Variants in ADAMTS3 observed in about 807,000 individuals in gnomAD.
ADAMTS3 encodes the protein ADAM metallopeptidase with thrombospondin type 1 motif 3.
Under a neutral mutation model 129.0 loss-of-function variants are expected in ADAMTS3, and 73 were observed. That is an observed-to-expected ratio of 0.57 (90% CI 0.47 to 0.69). The LOEUF is 0.69. Ranked by LOEUF, ADAMTS3 falls within the 30% of genes least tolerant of loss-of-function variation. ADAMTS3 has a pLI of 0.00. For synonymous variants in ADAMTS3, 477 were observed against 510.8 expected (o/e 0.93, Z 0.89); for missense variants, 1,457 against 1,514.5 (o/e 0.96, Z 0.63).
In ADAMTS3 at chr4:72,290,948, G is replaced by T; in HGVS notation, c.2838C>A (p.His946Gln). 1 of 1,614,076 alleles carries T rather than the reference G, an allele frequency of 6.2e-7. No homozygotes were observed. The highest frequency in any genetic ancestry group is 8.5e-7 in the Non-Finnish European group (1 of 1,179,968). The change falls in exon 20 of 22, where the codon CAC (histidine) becomes CAA (glutamine). Residue 946 changes from histidine (H) to glutamine (Q), a missense_variant. Coordinates refer to ENST00000286657, the MANE Select transcript of ADAMTS3 (RefSeq NM_014243.3). The part of the protein sequence containing the change: ...PLLDGTNRSV[H>Q]SKYCMGDRPE... Reference sequence around the variant, plus strand: ...GACGGTCACCCATGCAGTATTTGCTGTGCACAGAGCGGTTGGTGCCATCAA... The same window carrying T: ...GACGGTCACCCATGCAGTATTTGCTTTGCACAGAGCGGTTGGTGCCATCAA...
chr4:72,295,714 G>T lies in ADAMTS3; in HGVS notation c.2663C>A (p.Ala888Asp). Residue 888 changes from alanine (A) to aspartate (D), a missense_variant, in exon 19 of 22, where the codon GCC (alanine) becomes GAC (aspartate). Coordinates refer to ENST00000286657, the MANE Select transcript of ADAMTS3 (RefSeq NM_014243.3). ...TCTAATAGGTTTCGGCTTTTTGTTG[G>T]CCTCACAGAAGCTGCGATGGACCAT... ...NKMVHRSFCE[A>D]NKKPKPIRRM... 6.2e-7 allele frequency: 1 copy of T among 1,612,950 alleles called. No individual in the cohort carries two copies. Among genetic ancestry groups the T allele is most frequent in the East Asian group, 2.2e-5 (1 of 44,804 alleles).
At chr4:72,318,221 A>AAAGCAT (rs1560470256) in intron 10 of ADAMTS3, among the ~76,000 whole-genome samples, 1 of 152,160 alleles carries the variant, frequency 6.6e-6, no homozygotes, top group Non-Finnish European at 1.5e-5. Context: ...TCTGAAGGTC[A>AAAGCAT]CAAAAAGCAG....
At chr4:72,447,026 A>C (rs775944631) in intron 3 of ADAMTS3, among the ~76,000 whole-genome samples, 6 of 151,690 alleles carry the variant, frequency 4.0e-5, no homozygotes, top group Non-Finnish European at 7.4e-5. Flanking sequence ...AGTAAATACA[A>C]TAAAGATAAT....
At chr4:72,555,302 C>T (rs2623540) in intron 2 of ADAMTS3, among the ~76,000 whole-genome samples, 146,150 of 151,722 alleles carry the variant, frequency 0.96, 70,795 homozygotes, top group East Asian at 1. Flanking sequence ...TATTAGCCTA[C>T]TGAAATATTC....
In ADAMTS3 at chr4:72,295,688, G is replaced by A; in HGVS notation, c.2689C>T (p.Arg897Ter). 3.7e-6 allele frequency: 6 copies of A among 1,612,840 alleles called. No homozygotes were observed. Among genetic ancestry groups the A allele is most frequent in the Non-Finnish European group, 5.1e-6 (6 of 1,179,092 alleles). The change falls in exon 19 of 22, where the codon CGA (arginine) becomes TGA (stop). Residue 897 changes from arginine (R) to a stop codon, truncating the protein, a stop_gained. Transcript: ENST00000286657. LOFTEE classifies it high-confidence loss of function. ...GTACACTCTTGAATATTGCACATTC[G>A]TCTAATAGGTTTCGGCTTTTTGTTG... ...EANKKPKPIR[R>*]MCNIQECTHP...
At chr4:72,511,208 T>C (rs1293681120) in intron 3 of ADAMTS3, among the ~76,000 whole-genome samples, 1 of 152,154 alleles carries the variant, frequency 6.6e-6, no homozygotes, top group Non-Finnish European at 1.5e-5. Flanking sequence ...CTCCAGGATA[T>C]TGATCTGGAC....
intron 3 of ADAMTS3, among the ~76,000 whole-genome samples, chr4:72,511,822 T>C (rs1417482029): frequency 2.0e-5 from 3 of 152,230 alleles, no homozygotes; most frequent in African/African-American, 7.2e-5. Flanking sequence ...TTAGGTTTGC[T>C]GCAGTACTGT....
intron 3 of ADAMTS3, among the ~76,000 whole-genome samples, chr4:72,494,084 T>C (rs912589540): frequency 6.6e-6 from 1 of 152,186 alleles, no homozygotes; most frequent in African/African-American, 2.4e-5. Context: ...TTGGAGACTT[T>C]ACAGCTTTCA....
At position 72,414,882 on chromosome 4, in the gene ADAMTS3, A is replaced by G. The variant is rs201151246; in HGVS notation, c.594T>C (p.His198=). 2.5e-6 allele frequency: 4 copies of G among 1,584,612 alleles called. No homozygotes were observed. The highest frequency in any genetic ancestry group is 1.7e-6 in the Non-Finnish European group (2 of 1,167,114). ...CTACAGCTGATCTCTTGTAGACAACATGAATCCTTCCTTTTTCTTCCTCCA... is the reference window on the plus strand; with the variant it reads ...CTACAGCTGATCTCTTGTAGACAACGTGAATCCTTCCTTTTTCTTCCTCCA... ...KQMEEEKGRI[H]VVYKRSAVEQ... is the part of the protein sequence containing the mutation. The change falls in exon 4 of 22, where the codon CAT becomes CAC. Residue 198 remains histidine, a synonymous_variant. Transcript: ENST00000286657.
At chr4:72,421,051 A>G (rs956684758) in intron 3 of ADAMTS3, among the ~76,000 whole-genome samples, 1 of 152,260 alleles carries the variant, frequency 6.6e-6, no homozygotes, top group Non-Finnish European at 1.5e-5. Flanking sequence ...GGGAAGGTCA[A>G]TAGAGAATCC....
chr4:72,404,616 C>T (rs1239624938), intron 4 of ADAMTS3, among the ~76,000 whole-genome samples: 1 of 151,818 alleles, frequency 6.6e-6, no homozygotes, highest in Non-Finnish European at 1.5e-5. Flanking sequence ...GTTATGACCC[C>T]AAAAGCACAG....
chr4:72,359,063 G>T (rs762892706), intron 4 of ADAMTS3, among the ~76,000 whole-genome samples: 1 of 151,904 alleles, frequency 6.6e-6, no homozygotes, highest in Non-Finnish European at 1.5e-5. Flanking sequence ...AGGAATAAAC[G>T]ATCTGCAATT....
chr4:72,406,207 A>G (rs565472691), intron 4 of ADAMTS3, among the ~76,000 whole-genome samples: 3 of 152,272 alleles, frequency 2.0e-5, no homozygotes, highest in African/African-American at 7.2e-5. Context: ...ACAGCAGACT[A>G]TATAGTCAAG....
intron 3 of ADAMTS3, among the ~76,000 whole-genome samples, chr4:72,544,121 A>C (rs1212552616): frequency 6.6e-6 from 1 of 152,160 alleles, no homozygotes; most frequent in Admixed American, 6.5e-5. Context: ...AAAGCACCAT[A>C]AAACTAATAA....
Position 72,319,430 on chromosome 4 carries a change from C to T in ADAMTS3, c.1254G>A (p.Glu418=), listed in dbSNP as rs35860396. The change falls in exon 9 of 22, where the codon GAG becomes GAA. Residue 418 remains glutamate, a synonymous_variant. Transcript: ENST00000286657. ...HDGQGNRCGD[E]TAMGSVMAPL... The stretch of plus-strand genomic sequence containing the variant: ...GAGCCATGACACTTCCCATAGCAGT[C>T]TCATCACCACACCTGTTGCCTTGTC... 5.4e-3 allele frequency: 8,790 copies of T among 1,613,940 alleles called. 379 individuals carry two copies. The African/African-American group carries it at 0.098, about 18-fold the overall frequency.
chr4:72,502,415 A>G (rs1243947072), intron 3 of ADAMTS3, among the ~76,000 whole-genome samples: 1 of 152,058 alleles, frequency 6.6e-6, no homozygotes, highest in African/African-American at 2.4e-5. Flanking sequence ...GGTGTTCATA[A>G]TAGTCTCTGA....
At chr4:72,437,831 A>C (rs564799316) in intron 3 of ADAMTS3, among the ~76,000 whole-genome samples, 1 of 151,752 alleles carries the variant, frequency 6.6e-6, no homozygotes, top group Non-Finnish European at 1.5e-5. Context: ...TAGTGTGTCT[A>C]TTTTCATTAA....
At chr4:72,432,063 G>T (rs1460432979) in intron 3 of ADAMTS3, among the ~76,000 whole-genome samples, 1 of 151,934 alleles carries the variant, frequency 6.6e-6, no homozygotes, top group Non-Finnish European at 1.5e-5. Context: ...CAGTCAGAAA[G>T]CTTGGAGTCA....
intron 3 of ADAMTS3, among the ~76,000 whole-genome samples, chr4:72,519,339 T>C (rs1042636684): frequency 4.8e-4 from 73 of 152,256 alleles, no homozygotes; most frequent in African/African-American, 1.6e-3. Flanking sequence ...TCTCGAGGAG[T>C]ATCTTTGTGG....
Sources: gnomAD v4.1 joint callset for allele counts (sites outside exome capture counted in the v4.1 genomes callset) on GRCh38, gnomAD v4.1.1 for gene constraint, MANE v1.5 for transcripts, NCBI Gene and HGNC (gene_info 2026-07-23, HGNC 2026-07-21) for gene names.